The following ELAPOR2 variants were observed in gnomAD, a reference collection of about 807,000 sequenced individuals.
ELAPOR2 encodes the protein endosome-lysosome associated apoptosis and autophagy regulator family member 2.
A neutral mutation model predicts 120.7 loss-of-function variants in ELAPOR2; 89 were observed. The observed-to-expected ratio is 0.74, with a 90% confidence interval of 0.62 to 0.88. The LOEUF (loss-of-function observed/expected upper bound fraction) is 0.88. Ranked by LOEUF, ELAPOR2 falls within the 40% of genes least tolerant of loss-of-function variation. The pLI, the probability that ELAPOR2 is intolerant of heterozygous loss-of-function variation, is 0.00. For synonymous variants in ELAPOR2, 444 were observed against 444.9 expected (o/e 1.00, Z 0.03); for missense variants, 1,134 against 1,251.6 (o/e 0.91, Z 1.42).
chr7:86,881,647 C>T (rs745933058), intron 21 of ELAPOR2, among the ~76,000 whole-genome samples: 37 of 152,206 alleles, frequency 2.4e-4, no homozygotes, highest in Non-Finnish European at 4.1e-4. Context: ...TGAGCCACTG[C>T]GCCCGACCAC....
At chr7:87,040,079 G>C (rs1034213530) in intron 1 of ELAPOR2, among the ~76,000 whole-genome samples, 3 of 152,232 alleles carry the variant, frequency 2.0e-5, no homozygotes, top group Non-Finnish European at 4.4e-5. Flanking sequence ...AAAACACGGC[G>C]CACCACAAGA....
intron 12 of ELAPOR2, among the ~76,000 whole-genome samples, chr7:86,916,857 A>T (rs1789590806): frequency 6.6e-6 from 1 of 151,496 alleles, no homozygotes; most frequent in South Asian, 2.1e-4. Flanking sequence ...CCTGTTGCCC[A>T]GACTGCAGTG....
At chr7:87,022,525 G>A (rs990287568) in intron 1 of ELAPOR2, among the ~76,000 whole-genome samples, 1 of 152,020 alleles carries the variant, frequency 6.6e-6, no homozygotes, top group Non-Finnish European at 1.5e-5. Flanking sequence ...ATTGTGAGTA[G>A]TGCCCCAATA....
chr7:86,939,900 T>G (rs1790730376), intron 6 of ELAPOR2, 110 bp downstream of exon 6: 1 of 561,630 alleles, frequency 1.8e-6, no homozygotes, highest in Non-Finnish European at 3.0e-6. Context: ...CCTAACATAT[T>G]AATTTCTGTT....
chr7:87,059,586 G>C lies in ELAPOR2; in HGVS notation c.-73C>G, dbSNP rs1300865730. The C allele has an allele frequency of 3.5e-6, 4 of 1,130,394 alleles. No homozygotes were observed. The highest frequency in any genetic ancestry group is 3.3e-5 in the African/African-American group (2 of 60,776). 70.0% of individuals were successfully genotyped at this position (1,130,394 alleles called of 1,614,324 possible). On this transcript the variant is annotated 5_prime_UTR_variant, in exon 1 of 22. Coordinates refer to ENST00000450689, the MANE Select transcript of ELAPOR2 (RefSeq NM_001142749.3). The stretch of plus-strand genomic sequence containing the variant: ...GGGTGCGGCGGCAGCTCCGGCTCCC[G>C]GGCCGCGACTGCTGTGCGCTCGTCT...
chr7:87,010,151 A>G (rs1793608872), intron 1 of ELAPOR2, among the ~76,000 whole-genome samples: 1 of 152,228 alleles, frequency 6.6e-6, no homozygotes. Flanking sequence ...ACAACTGATT[A>G]TAATTCTTAG....
chr7:86,965,675 A>G (rs906211452), intron 1 of ELAPOR2: 13 of 321,392 alleles, frequency 4.0e-5, no homozygotes, highest in Admixed American at 3.9e-4. Flanking sequence ...AATTCTCACA[A>G]TGACCTCCCT....
At chr7:86,943,675 A>T (rs1790890153) in intron 4 of ELAPOR2, among the ~76,000 whole-genome samples, 1 of 152,028 alleles carries the variant, frequency 6.6e-6, no homozygotes, top group African/African-American at 2.4e-5. Flanking sequence ...TTATTCTCAC[A>T]ATTAGATAAC....
intron 17 of ELAPOR2, 150 bp downstream of exon 17, chr7:86,908,297 A>C: frequency 1.8e-6 from 1 of 548,116 alleles, no homozygotes; most frequent in Non-Finnish European, 3.2e-6. Flanking sequence ...AGGAATGCTC[A>C]GGTGACATAG....
In ELAPOR2 at chr7:86,941,999, G is replaced by A. The variant is rs1236268463; in HGVS notation, c.741+19C>T. On this transcript the variant is annotated intron_variant, in intron 5 of 21. Coordinates refer to ENST00000450689, the MANE Select transcript of ELAPOR2 (RefSeq NM_001142749.3). Reference sequence around the variant, plus strand: ...GAAGGAAAAATTGGCAAAGAAGAAGGAAATACAAAGAGACTTACAGAATGA... The same window carrying A: ...GAAGGAAAAATTGGCAAAGAAGAAGAAAATACAAAGAGACTTACAGAATGA... 1 of 1,479,364 alleles carries A rather than the reference G, an allele frequency of 6.8e-7. No homozygotes were observed. The highest frequency in any genetic ancestry group is 1.2e-5 in the South Asian group (1 of 81,604). The allele number at this position is 1,479,364 out of a possible 1,614,324, so 91.6% of individuals were successfully genotyped here. A position where few individuals can be genotyped will look rare whatever the true frequency, so the allele number is the denominator to read the frequency against.
intron 4 of ELAPOR2, among the ~76,000 whole-genome samples, chr7:86,942,426 A>C (rs1030694354): frequency 1.3e-5 from 2 of 152,084 alleles, no homozygotes; most frequent in Non-Finnish European, 2.9e-5. Flanking sequence ...AGTATAAAAC[A>C]ACTACCCAAC....
At chr7:86,945,808 T>C (rs1040578162) in intron 3 of ELAPOR2, among the ~76,000 whole-genome samples, 4 of 152,070 alleles carry the variant, frequency 2.6e-5, no homozygotes, top group Non-Finnish European at 5.9e-5. Flanking sequence ...AAATAATAAA[T>C]TGTATTCTTT....
chr7:86,883,436 GAT>G (rs1319647120), intron 21 of ELAPOR2, among the ~76,000 whole-genome samples: 1 of 152,048 alleles, frequency 6.6e-6, no homozygotes, highest in East Asian at 1.9e-4. Flanking sequence ...CACACAATAA[GAT>G]ATGTGCAACG....
At chr7:86,906,745 C>G (rs894429444) in intron 18 of ELAPOR2, among the ~76,000 whole-genome samples, 3 of 151,970 alleles carry the variant, frequency 2.0e-5, no homozygotes, top group Non-Finnish European at 4.4e-5. Context: ...AATAAATAAT[C>G]TGGCTGGGTG....
chr7:86,905,188 G>GAA, intron 18 of ELAPOR2, among the ~76,000 whole-genome samples: 1 of 150,314 alleles, frequency 6.7e-6, no homozygotes, highest in South Asian at 2.1e-4. Flanking sequence ...GAGAAAGAGA[G>GAA]AGAGAGAGAG....
Position 86,909,859 on chromosome 7 carries a change from C to G in ELAPOR2, c.2312G>C (p.Arg771Pro), listed in dbSNP as rs546682530. 1 of 1,613,142 alleles carries G rather than the reference C, an allele frequency of 6.2e-7. No individual in the cohort carries two copies. Among genetic ancestry groups the G allele is most frequent in the Admixed American group, 1.7e-5 (1 of 59,964 alleles). The change falls in exon 16 of 22, where the codon CGA becomes CCA. Residue 771 changes from arginine to proline, a missense_variant. By Grantham distance (103) the Arg-to-Pro change is moderately radical (BLOSUM62 -2). Coordinates refer to ENST00000450689, the MANE Select transcript of ELAPOR2 (RefSeq NM_001142749.3). ...GATGGATTGTGATGATAAGGCTGCT[C>G]GGAAACCCTTACTTTCAGAAGGAAT... ...TIIPSESKGF[R>P]AALSSQSIIL...
intron 4 of ELAPOR2, among the ~76,000 whole-genome samples, chr7:86,942,541 AAAAT>A (rs1313420644): frequency 1.3e-5 from 2 of 152,114 alleles, no homozygotes; most frequent in Non-Finnish European, 2.9e-5. Context: ...TTTTAAATTA[AAAAT>A]AAATAAAGTC....
chr7:86,894,988 T>C (rs916068195), intron 19 of ELAPOR2, among the ~76,000 whole-genome samples: 1 of 152,046 alleles, frequency 6.6e-6, no homozygotes, highest in African/African-American at 2.4e-5. Flanking sequence ...GGAGGACTTG[T>C]ATAAATTTAA....
chr7:86,928,815 T>G (rs1790195578), intron 8 of ELAPOR2, among the ~76,000 whole-genome samples: 1 of 152,016 alleles, frequency 6.6e-6, no homozygotes, highest in Non-Finnish European at 1.5e-5. Flanking sequence ...AGAAATCAAA[T>G]TTCAAATGCT....
Sources: allele counts gnomAD v4.1 joint callset (sites outside exome capture counted in the v4.1 genomes callset), GRCh38; gene constraint gnomAD v4.1.1; transcripts MANE v1.5; gene names NCBI Gene and HGNC (gene_info 2026-07-23, HGNC 2026-07-21).